Variants in ABTB2 observed in about 807,000 individuals in gnomAD.
ABTB2 encodes the protein ankyrin repeat and BTB domain containing 2.
ABTB2 carries 56 observed loss-of-function variants against 104.1 expected under a neutral mutation model. The ratio of observed to expected loss-of-function variants is 0.54; its 90% CI spans 0.43 to 0.67. ABTB2 has a LOEUF of 0.67. Among genes scored for constraint, ABTB2 ranks in the 30% least tolerant of loss-of-function variants. The probability of loss-of-function intolerance (pLI) is 0.00; values close to 1 mark genes in which losing one functional copy is unlikely to be tolerated. For synonymous variants in ABTB2, 606 were observed against 608.2 expected (o/e 1.00, Z 0.05); for missense variants, 1,279 against 1,407.7 (o/e 0.91, Z 1.46).
At chr11:34,170,793 A>T in intron 5 of ABTB2, 113 bp downstream of exon 5, 1 of 1,345,492 alleles carries the variant, frequency 7.4e-7, no homozygotes, top group Non-Finnish European at 1.0e-6. Context: ...CGCCTTTTCG[A>T]AGTACAGAGC....
chr11:34,249,582 G>A (rs1453543899), intron 1 of ABTB2, among the ~76,000 whole-genome samples: 1 of 152,176 alleles, frequency 6.6e-6, no homozygotes, highest in African/African-American at 2.4e-5. Context: ...GGTCATTTGA[G>A]CTTGACCCCA....
rs149893951 is a variant in ABTB2, at chr11:34,310,093, G to A, written c.883+46608C>T. Among the ~76,000 whole-genome samples, 623 of 152,256 alleles carry A rather than the reference G, an allele frequency of 4.1e-3. 5 individuals are homozygous for A. The highest frequency in any genetic ancestry group is 0.014 in the Middle Eastern group (4 of 294). ...AGCAATCGCCCTGCATCTAAAAGGG[G>A]GAGGAGCACAGTATGTATGTCTCCT... On this transcript the variant is annotated intron_variant, in intron 1 of 16. Transcript: ENST00000435224.
chr11:34,357,486 G>T lies in ABTB2; in HGVS notation c.98C>A (p.Ser33Ter). The T allele has an allele frequency of 6.5e-7, 1 of 1,544,922 alleles. No individual in the cohort carries two copies. The highest frequency in any genetic ancestry group is 1.2e-5 in the South Asian group (1 of 84,050). The change falls in exon 1 of 17, where the codon TCG (serine) becomes TAG (stop). Residue 33 changes from serine (S) to a stop codon, truncating the protein, a stop_gained. Coordinates refer to ENST00000435224, the MANE Select transcript of ABTB2 (RefSeq NM_145804.3). LOFTEE classifies it high-confidence loss of function. ...AGDSCRSLSL[S>*]SSKSNSQALN... ...CGCCTGCGAGTTGGACTTGGAGGAC[G>T]AGAGGCTGAGCGAGCGGCACGAGTC...
At chr11:34,160,117 G>A (rs1314510539) in intron 12 of ABTB2, 109 bp from the exon 13 acceptor site, 1 of 1,242,418 alleles carries the variant, frequency 8.0e-7, no homozygotes, top group Non-Finnish European at 1.2e-6. Context: ...ACACAGAGGT[G>A]AGGAACAGAG....
At chr11:34,298,889 T>C (rs1854661809) in intron 1 of ABTB2, among the ~76,000 whole-genome samples, 1 of 152,210 alleles carries the variant, frequency 6.6e-6, no homozygotes, top group Admixed American at 6.5e-5. Flanking sequence ...GATGTTTAAA[T>C]TAATAAAGAT....
chr11:34,171,774 AC>A (rs1263088604), intron 4 of ABTB2, among the ~76,000 whole-genome samples: 4 of 152,036 alleles, frequency 2.6e-5, no homozygotes, highest in African/African-American at 7.2e-5. Flanking sequence ...ATAAACGGTC[AC>A]CATGGCCAGG....
At chr11:34,159,482 G>T in intron 13 of ABTB2, 96 bp from the exon 14 acceptor site, 2 of 803,768 alleles carry the variant, frequency 2.5e-6, no homozygotes, top group Non-Finnish European at 4.3e-6. Flanking sequence ...GCTACCACAA[G>T]ACGGAACATT....
At chr11:34,247,797 T>C (rs1411058460) in intron 1 of ABTB2, among the ~76,000 whole-genome samples, 2 of 152,230 alleles carry the variant, frequency 1.3e-5, no homozygotes, top group Non-Finnish European at 2.9e-5. Context: ...TACCATTTCA[T>C]TTAAACCTCC....
At chr11:34,187,332 T>A (rs1042178253) in intron 3 of ABTB2, among the ~76,000 whole-genome samples, 1 of 152,156 alleles carries the variant, frequency 6.6e-6, no homozygotes, top group African/African-American at 2.4e-5. Context: ...GAGTGACTGA[T>A]AGTTGGCTTC....
intron 1 of ABTB2, among the ~76,000 whole-genome samples, chr11:34,274,015 G>A (rs1213325394): frequency 4.6e-5 from 7 of 150,712 alleles, no homozygotes; most frequent in East Asian, 1.9e-4. Context: ...AGCCGGGCAC[G>A]GTGGCGGGCG....
intron 1 of ABTB2, among the ~76,000 whole-genome samples, chr11:34,346,870 C>G (rs2001176): frequency 9.2e-5 from 14 of 152,052 alleles, no homozygotes; most frequent in African/African-American, 3.4e-4. Flanking sequence ...GTGTGTGAGC[C>G]TCAGGCTTGT....
At chr11:34,310,769 G>A (rs1419917540) in intron 1 of ABTB2, among the ~76,000 whole-genome samples, 1 of 152,158 alleles carries the variant, frequency 6.6e-6, no homozygotes, top group Non-Finnish European at 1.5e-5. Flanking sequence ...TGGACTGCAT[G>A]GAGGTTATGC....
chr11:34,264,316 T>C (rs973653575), intron 1 of ABTB2, among the ~76,000 whole-genome samples: 1 of 152,100 alleles, frequency 6.6e-6, no homozygotes, highest in Non-Finnish European at 1.5e-5. Context: ...TAGGATTCAA[T>C]GGCAGCACAT....
chr11:34,238,240 T>A (rs1489653935), intron 1 of ABTB2, among the ~76,000 whole-genome samples: 1 of 152,176 alleles, frequency 6.6e-6, no homozygotes, highest in Non-Finnish European at 1.5e-5. Context: ...TCCCCTGGCA[T>A]CTGCATGGCT....
chr11:34,309,327 G>A (rs1854821474), intron 1 of ABTB2, among the ~76,000 whole-genome samples: 1 of 152,192 alleles, frequency 6.6e-6, no homozygotes, highest in Admixed American at 6.5e-5. Context: ...GGGTTCAGTG[G>A]TTAGCAGTCA....
intron 3 of ABTB2, among the ~76,000 whole-genome samples, chr11:34,174,194 G>A (rs1309787080): frequency 2.0e-5 from 3 of 152,012 alleles, no homozygotes; most frequent in African/African-American, 7.2e-5. Flanking sequence ...GCTTGGTGGC[G>A]GGCGCCTGTA....
rs2133035291 is a variant in ABTB2 at position 34,195,842 on chromosome 11, GGCTGTGGAGCCA to G, written c.1244+1471_1244+1482del. Among the ~76,000 whole-genome samples, 3 of 152,334 alleles carry G rather than the reference GGCTGTGGAGCCA, an allele frequency of 2.0e-5. No homozygotes were observed. In the East Asian group the frequency reaches 5.8e-4, roughly 29 times the overall value. ...TCTGGGGCACTGAGGAAGCAGACCT[GGCTGTGGAGCCA>G]GCTGTGGATCACAGAGCTGATGAGA... is the stretch of plus-strand genomic sequence containing the variant. On this transcript the variant is annotated intron_variant, in intron 3 of 16. Transcript: ENST00000435224.
In ABTB2 at chr11:34,167,381, T is replaced by C; in HGVS notation, c.1654-21A>G. On this transcript the variant is annotated intron_variant, in intron 6 of 16. Coordinates refer to ENST00000435224, the MANE Select transcript of ABTB2 (RefSeq NM_145804.3). ...GGAACCTGGAAAATACCACAAATCA[T>C]CTGTGTTTTCTGGGCACCCGAGCGA... 1.2e-6 allele frequency: 2 copies of C among 1,601,934 alleles called. 1 individual carries two copies. The highest frequency in any genetic ancestry group is 2.2e-5 in the South Asian group (2 of 89,550).
At chr11:34,160,679 G>T (rs1288266786) in intron 11 of ABTB2, among the ~76,000 whole-genome samples, 1 of 69,096 alleles carries the variant, frequency 1.4e-5, no homozygotes, top group Non-Finnish European at 2.8e-5. Flanking sequence ...GTGTGTGTGT[G>T]TATGTGTGTG....
Sources: allele counts gnomAD v4.1 joint callset (sites outside exome capture counted in the v4.1 genomes callset), GRCh38; gene constraint gnomAD v4.1.1; transcripts MANE v1.5; gene names NCBI Gene and HGNC (gene_info 2026-07-23, HGNC 2026-07-21).